SOX5: variants seen among roughly 807,000 people sequenced by gnomAD.
SOX5 encodes the protein transcription factor SOX-5.
In SOX5, 9 loss-of-function variants were observed where a neutral mutation model predicts 92.0. The ratio of observed to expected loss-of-function variants is 0.10; its 90% CI spans 0.06 to 0.17. SOX5 has a LOEUF of 0.17. Ranked by LOEUF, SOX5 falls within the 10% of genes least tolerant of loss-of-function variation. SOX5 has a pLI of 1.00. For missense variants in SOX5, 642 were observed against 944.5 expected (o/e 0.68, Z 4.20); for synonymous variants, 344 against 336.3 (o/e 1.02, Z -0.25).
At chr12:24,014,322 A>ATG (rs1379145493) in intron 4 of SOX5, among the ~76,000 whole-genome samples, 1 of 152,152 alleles carries the variant, frequency 6.6e-6, no homozygotes, top group African/African-American at 2.4e-5. Context: ...CGGCATACCA[A>ATG]CCTGTGAGAA....
rs143765310 is a variant in SOX5 at position 24,103,390 on chromosome 12, T to C, written c.-2+109953A>G. On this transcript the variant is annotated intron_variant, in intron 4 of 4. Coordinates refer to the SOX5 transcript ENST00000446891. ...TTCTTCTAAGAGCAGAGTCTCATTA[T>C]GTTGCCCAGTCTGGAGTACAATGAT... is the stretch of plus-strand genomic sequence containing the variant. Among the ~76,000 whole-genome samples the C allele has an allele frequency of 1.3e-3, 193 of 152,116 alleles. 2 individuals are homozygous for C. The highest frequency in any genetic ancestry group is 4.4e-3 in the African/African-American group (183 of 41,508).
chr12:23,745,513 T>A (rs2093952609), intron 4 of SOX5, among the ~76,000 whole-genome samples: 1 of 152,168 alleles, frequency 6.6e-6, no homozygotes, highest in South Asian at 2.1e-4. Flanking sequence ...AACGAGGTCC[T>A]TCAAAATATC....
intron 3 of SOX5, among the ~76,000 whole-genome samples, chr12:24,238,587 G>A (rs192452211): frequency 6.6e-6 from 1 of 152,206 alleles, no homozygotes; most frequent in Non-Finnish European, 1.5e-5. Context: ...AAACTCCTGA[G>A]CTCAAGTCAT....
chr12:23,871,932 A>G (rs1568505276), intron 2 of SOX5, among the ~76,000 whole-genome samples: 2 of 151,612 alleles, frequency 1.3e-5, no homozygotes, highest in Non-Finnish European at 2.9e-5. Flanking sequence ...TTCTAAGAAT[A>G]CTTGAGAGTA....
At chr12:24,248,507 C>T (rs12370576) in intron 3 of SOX5, among the ~76,000 whole-genome samples, 24,189 of 152,178 alleles carry the variant, frequency 0.16, 2,330 homozygotes, top group South Asian at 0.23. Flanking sequence ...GCCTCAGCCT[C>T]CCAAGTAGCT....
At chr12:23,610,043 T>C (rs2075766353) in intron 8 of SOX5, among the ~76,000 whole-genome samples, 1 of 152,120 alleles carries the variant, frequency 6.6e-6, no homozygotes, top group Non-Finnish European at 1.5e-5. Flanking sequence ...TACTAATTAA[T>C]TGTTGCTATT....
In SOX5 at chr12:24,275,583, G is replaced by A. The variant is rs1289961091; in HGVS notation, c.-77+1633C>T. Among the ~76,000 whole-genome samples, 8 of 152,190 alleles carry A rather than the reference G, an allele frequency of 5.3e-5. No individual in the cohort carries two copies. In the East Asian group the frequency reaches 1.5e-3, roughly 29 times the overall value. The stretch of plus-strand genomic sequence containing the variant: ...ATGTATTCAAATTTATTTAGCCACT[G>A]CTCTACTGCTGAACAGTTAAATCTA... On this transcript the variant is annotated intron_variant, in intron 3 of 4. Coordinates refer to the SOX5 transcript ENST00000446891.
At chr12:23,798,690 A>C (rs2142100201) in intron 3 of SOX5, among the ~76,000 whole-genome samples, 2 of 151,742 alleles carry the variant, frequency 1.3e-5, no homozygotes, top group South Asian at 4.2e-4. Flanking sequence ...CATTCTTGTC[A>C]CTCAATGGTC....
intron 2 of SOX5, among the ~76,000 whole-genome samples, chr12:23,867,735 A>G (rs1367696817): frequency 3.9e-5 from 6 of 152,100 alleles, no homozygotes; most frequent in Admixed American, 1.3e-4. Context: ...CCTACACACT[A>G]TGCCACCAAA....
chr12:24,143,549 A>G (rs774332655), intron 4 of SOX5, among the ~76,000 whole-genome samples: 4 of 152,200 alleles, frequency 2.6e-5, no homozygotes, highest in Non-Finnish European at 5.9e-5. Context: ...CAAGGTTCCC[A>G]AGGACAAAAA....
In SOX5 at chr12:23,665,860, T is replaced by C. The variant is rs974105920; in HGVS notation, c.811-296A>G. On this transcript the variant is annotated intron_variant, in intron 6 of 14. Transcript: ENST00000451604. ...TCACTACTTTGCATGATAAGCCTTT[T>C]TCTTATTGCACTAATGAAATGGCTA... 6.6e-5 allele frequency among the ~76,000 whole-genome samples: 10 copies of C among 152,158 alleles called. No homozygotes were observed. The East Asian group carries it at 1.3e-3, about 21-fold the overall frequency.
At chr12:23,630,388 C>T (rs539511783) in intron 8 of SOX5, among the ~76,000 whole-genome samples, 4 of 151,870 alleles carry the variant, frequency 2.6e-5, no homozygotes, top group Non-Finnish European at 4.4e-5. Flanking sequence ...TAGATTCTTG[C>T]GATGGGCCTT....
chr12:23,971,877 C>T (rs372357090), intron 4 of SOX5, among the ~76,000 whole-genome samples: 4 of 152,108 alleles, frequency 2.6e-5, no homozygotes, highest in Admixed American at 2.6e-4. Flanking sequence ...ACATATTCCT[C>T]CAAATAGGTA....
chr12:24,549,035 A>G (rs143485901), intron 1 of SOX5, among the ~76,000 whole-genome samples: 17 of 151,096 alleles, frequency 1.1e-4, no homozygotes, highest in African/African-American at 4.1e-4. Context: ...CTAAGAACAC[A>G]CTCTTTTCCC....
chr12:23,869,728 C>T (rs551017397), intron 2 of SOX5, among the ~76,000 whole-genome samples: 1 of 152,210 alleles, frequency 6.6e-6, no homozygotes, highest in African/African-American at 2.4e-5. Flanking sequence ...AAAGAAGTAG[C>T]TCAGACCACA....
chr12:23,650,679 AGGGATAG>A (rs2081443528), intron 7 of SOX5, among the ~76,000 whole-genome samples: 1 of 152,142 alleles, frequency 6.6e-6, no homozygotes, highest in South Asian at 2.1e-4. Flanking sequence ...GCCTACATCC[AGGGATAG>A]TTTCATTACC....
intron 4 of SOX5, among the ~76,000 whole-genome samples, chr12:24,128,933 G>A (rs775374827): frequency 2.6e-5 from 4 of 152,134 alleles, no homozygotes; most frequent in African/African-American, 9.7e-5. Flanking sequence ...TAGGAAGGTG[G>A]CAATGGAAAA....
intron 2 of SOX5, among the ~76,000 whole-genome samples, chr12:23,870,844 G>A (rs2096864772): frequency 2.0e-5 from 3 of 152,004 alleles, no homozygotes; most frequent in Admixed American, 1.3e-4. Flanking sequence ...TTCTACTTAT[G>A]TAAGATTTAC....
intron 3 of SOX5, chr12:24,227,137 A>T (rs1962227577): frequency 6.6e-6 from 1 of 152,210 alleles, no homozygotes; most frequent in Admixed American, 6.5e-5. Context: ...TAACACATTC[A>T]TTCTGTTGTT....
Sources: gnomAD v4.1 joint callset for allele counts (sites outside exome capture counted in the v4.1 genomes callset) on GRCh38, gnomAD v4.1.1 for gene constraint, MANE v1.5 for transcripts, NCBI Gene and HGNC (gene_info 2026-07-23, HGNC 2026-07-21) for gene names.